Variants in TRHDE observed in about 807,000 individuals in gnomAD.
TRHDE encodes thyrotropin-releasing hormone-degrading ectoenzyme.
A neutral mutation model predicts 125.7 loss-of-function variants in TRHDE; 72 were observed. That is an observed-to-expected ratio of 0.57 (90% confidence interval 0.47 to 0.70). TRHDE has a LOEUF of 0.70. TRHDE is among the 30% of genes least tolerant of loss of function. TRHDE has a pLI of 0.00. For missense variants in TRHDE, 1,110 were observed against 1,327.1 expected (o/e 0.84, Z 2.54); for synonymous variants, 509 against 509.1 (o/e 1.00, Z 0.00).
At chr12:72,531,959 A>G (rs1472717633) in intron 6 of TRHDE, among the ~76,000 whole-genome samples, 1 of 152,066 alleles carries the variant, frequency 6.6e-6, no homozygotes, top group African/African-American at 2.4e-5. Context: ...ATCCATGTGA[A>G]TTTTCAGATC....
intron 2 of TRHDE, among the ~76,000 whole-genome samples, chr12:72,158,342 A>G (rs1241651089): frequency 6.6e-6 from 1 of 151,486 alleles, no homozygotes; most frequent in Non-Finnish European, 1.5e-5. Flanking sequence ...ATATGTATAT[A>G]TATAATATAT....
intron 15 of TRHDE, among the ~76,000 whole-genome samples, chr12:72,635,380 T>A (rs1421734398): frequency 6.6e-6 from 1 of 152,070 alleles, no homozygotes; most frequent in East Asian, 1.9e-4. Flanking sequence ...TTGTTTGAGT[T>A]CATTGTAGAT....
intron 2 of TRHDE, chr12:72,263,775 A>G (rs931625509): frequency 2.0e-5 from 3 of 152,110 alleles, no homozygotes; most frequent in African/African-American, 7.2e-5. Flanking sequence ...TAGCAAGCCT[A>G]TAAAAATACT....
At position 72,301,334 on chromosome 12, in the gene TRHDE, A is replaced by C. The variant is rs138946819; in HGVS notation, c.1188+14380A>C. ...TTCAGTAATTCATTAGACAATGAGA[A>C]ATTCCATCAGAAGGGCCTCTGTGGG... On this transcript the variant is annotated intron_variant, in intron 2 of 18. Transcript: ENST00000261180. 3.8e-3 allele frequency among the ~76,000 whole-genome samples: 583 copies of C among 152,258 alleles called. 3 individuals are homozygous for C. The highest frequency in any genetic ancestry group is 5.3e-3 in the Non-Finnish European group (357 of 67,998).
At chr12:72,320,177 T>A (rs1057397359) in intron 2 of TRHDE, among the ~76,000 whole-genome samples, 2 of 152,116 alleles carry the variant, frequency 1.3e-5, no homozygotes, top group African/African-American at 4.8e-5. Context: ...CATACACACA[T>A]AGAGGCATGT....
At chr12:72,643,272 G>C (rs137946141) in intron 15 of TRHDE, among the ~76,000 whole-genome samples, 39 of 152,226 alleles carry the variant, frequency 2.6e-4, no homozygotes, top group Non-Finnish European at 2.8e-4. Context: ...TGAGACTGAG[G>C]ACTATTTTTC....
At chr12:72,155,946 G>A (rs551628179) in intron 2 of TRHDE, among the ~76,000 whole-genome samples, 31 of 152,334 alleles carry the variant, frequency 2.0e-4, no homozygotes, top group Admixed American at 6.5e-4. Flanking sequence ...ATTTAAGTCT[G>A]CAGAGTTTTC....
At chr12:72,362,645 A>G (rs1286519101) in intron 2 of TRHDE, among the ~76,000 whole-genome samples, 3 of 151,102 alleles carry the variant, frequency 2.0e-5, no homozygotes, top group Non-Finnish European at 4.5e-5. Flanking sequence ...GCCCATGCCT[A>G]TGTCCTGAAT....
At chr12:72,224,782 C>T (rs1207112374) in intron 2 of TRHDE, among the ~76,000 whole-genome samples, 1 of 152,050 alleles carries the variant, frequency 6.6e-6, no homozygotes, top group East Asian at 1.9e-4. Flanking sequence ...TATAAACCAC[C>T]TTAAGGCATT....
At chr12:72,436,911 C>G (rs1874772760) in intron 3 of TRHDE, among the ~76,000 whole-genome samples, 1 of 151,830 alleles carries the variant, frequency 6.6e-6, no homozygotes, top group South Asian at 2.1e-4. Flanking sequence ...AACTACCCAT[C>G]ATCTACATAT....
At chr12:72,212,253 A>T (rs1877797577) in intron 2 of TRHDE, among the ~76,000 whole-genome samples, 1 of 152,108 alleles carries the variant, frequency 6.6e-6, no homozygotes, top group Non-Finnish European at 1.5e-5. Flanking sequence ...ATTGAACCCA[A>T]ATGTAAGAAG....
chr12:72,488,489 G>A (rs959943056), intron 5 of TRHDE, among the ~76,000 whole-genome samples: 1 of 152,000 alleles, frequency 6.6e-6, no homozygotes, highest in African/African-American at 2.4e-5. Flanking sequence ...ACCCAACACT[G>A]GAGCACCTAA....
intron 7 of TRHDE, among the ~76,000 whole-genome samples, chr12:72,553,104 G>A (rs1044551482): frequency 3.3e-5 from 5 of 152,006 alleles, no homozygotes; most frequent in African/African-American, 1.2e-4. Context: ...AGTGGGAAGT[G>A]GAGAAATTTG....
At chr12:72,094,394 C>T (rs762987038) in intron 1 of TRHDE, among the ~76,000 whole-genome samples, 11 of 152,220 alleles carry the variant, frequency 7.2e-5, no homozygotes, top group African/African-American at 1.7e-4. Context: ...TCTGGGGTTA[C>T]TGATGAGCAT....
chr12:72,123,058 C>A (rs565948321), intron 2 of TRHDE, among the ~76,000 whole-genome samples: 1 of 152,088 alleles, frequency 6.6e-6, no homozygotes, highest in Non-Finnish European at 1.5e-5. Context: ...CATTCATACC[C>A]GAGGTTAATT....
chr12:72,121,338 G>T (rs1875576438), intron 2 of TRHDE, among the ~76,000 whole-genome samples: 1 of 152,144 alleles, frequency 6.6e-6, no homozygotes, highest in Non-Finnish European at 1.5e-5. Flanking sequence ...GGTTTATGTA[G>T]GTCTCCAGAG....
At chr12:72,428,243 T>C (rs1874273082) in intron 3 of TRHDE, among the ~76,000 whole-genome samples, 1 of 152,140 alleles carries the variant, frequency 6.6e-6, no homozygotes, top group Non-Finnish European at 1.5e-5. Flanking sequence ...ATCTACATAA[T>C]GACTCTTGAT....
At chr12:72,119,476 T>C (rs1024564009) in intron 2 of TRHDE, among the ~76,000 whole-genome samples, 20 of 152,206 alleles carry the variant, frequency 1.3e-4, no homozygotes, top group African/African-American at 4.6e-4. Flanking sequence ...TCTTTGAGAA[T>C]TATCCATGTG....
At chr12:72,455,993 A>G (rs1332366157) in intron 3 of TRHDE, among the ~76,000 whole-genome samples, 1 of 151,748 alleles carries the variant, frequency 6.6e-6, no homozygotes, top group Non-Finnish European at 1.5e-5. Flanking sequence ...TTTCCTATAC[A>G]TATATGTGTA....
Sources: gnomAD v4.1 joint callset for allele counts (sites outside exome capture counted in the v4.1 genomes callset) on GRCh38, gnomAD v4.1.1 for gene constraint, MANE v1.5 for transcripts, NCBI Gene and HGNC (gene_info 2026-07-23, HGNC 2026-07-21) for gene names.